VSTM2L: variants seen among roughly 807,000 people sequenced by gnomAD.
The protein encoded by VSTM2L is V-set and transmembrane domain-containing protein 2-like protein.
A neutral mutation model predicts 19.9 loss-of-function variants in VSTM2L; 9 were observed. The ratio of observed to expected loss-of-function variants is 0.45; its 90% CI spans 0.27 to 0.79. VSTM2L has a LOEUF of 0.79. Among genes scored for constraint, VSTM2L ranks in the 30% least tolerant of loss-of-function variants. The pLI, the probability that VSTM2L is intolerant of heterozygous loss-of-function variation, is 0.15. For missense variants in VSTM2L, 286 were observed against 295.5 expected (o/e 0.97, Z 0.24); for synonymous variants, 127 against 133.8 (o/e 0.95, Z 0.35).
At chr20:37,907,428 C>T (rs867517769) in intron 1 of VSTM2L, among the ~76,000 whole-genome samples, 2 of 152,160 alleles carry the variant, frequency 1.3e-5, no homozygotes, top group Admixed American at 6.5e-5. Context: ...TTAATAAGTT[C>T]CCCAGAGGAT....
intron 1 of VSTM2L, among the ~76,000 whole-genome samples, chr20:37,921,149 A>T (rs897380260): frequency 1.3e-5 from 2 of 152,084 alleles, no homozygotes; most frequent in African/African-American, 4.8e-5. Context: ...AGCCTCGGAG[A>T]CCTCTGGGGG....
chr20:37,924,107 T>C (rs2072867032), intron 1 of VSTM2L, among the ~76,000 whole-genome samples: 4 of 152,032 alleles, frequency 2.6e-5, no homozygotes, highest in Admixed American at 2.6e-4. Context: ...TGTAGTGGCA[T>C]GCACCTGTAC....
At chr20:37,919,382 CAA>C (rs531039374) in intron 1 of VSTM2L, among the ~76,000 whole-genome samples, 179 of 152,356 alleles carry the variant, frequency 1.2e-3, no homozygotes, top group African/African-American at 4.2e-3. Flanking sequence ...CAGAAAGAAA[CAA>C]AGAGAACCCT....
intron 3 of VSTM2L, among the ~76,000 whole-genome samples, chr20:37,936,025 T>C (rs2072937826): frequency 6.6e-6 from 1 of 151,250 alleles, no homozygotes; most frequent in South Asian, 2.1e-4. Context: ...GCTGGGAATA[T>C]AGGAACAGGC....
chr20:37,915,949 C>T (rs998446200), intron 1 of VSTM2L, among the ~76,000 whole-genome samples: 3 of 152,220 alleles, frequency 2.0e-5, no homozygotes, highest in African/African-American at 7.2e-5. Flanking sequence ...CCTGCCTCCA[C>T]CCTCAGCGCC....
intron 3 of VSTM2L, among the ~76,000 whole-genome samples, chr20:37,934,559 A>C (rs1277679844): frequency 6.6e-6 from 1 of 152,318 alleles, no homozygotes; most frequent in Non-Finnish European, 1.5e-5. Flanking sequence ...TCGCATGCGC[A>C]TGGCGGGGAA....
rs562897584 is a variant in VSTM2L at position 37,908,942 on chromosome 20, G to A, written c.121+5471G>A. On this transcript the variant is annotated intron_variant, in intron 1 of 3. Coordinates refer to ENST00000373461, the MANE Select transcript of VSTM2L (RefSeq NM_080607.3). ...GAACTCCAAGAGGAAAGACTGTTTC[G>A]GGCCCACTGTTTAGATGAAGAAAAT... Among the ~76,000 whole-genome samples the A allele has an allele frequency of 2.6e-5, 4 of 152,246 alleles. No homozygotes were observed. In the East Asian group the frequency reaches 7.7e-4, roughly 29 times the overall value.
At chr20:37,910,103 G>A (rs1038802099) in intron 1 of VSTM2L, among the ~76,000 whole-genome samples, 1 of 152,218 alleles carries the variant, frequency 6.6e-6, no homozygotes, top group African/African-American at 2.4e-5. Context: ...CCGGAGAGAT[G>A]ATTTTAGGCA....
intron 1 of VSTM2L, 98 bp downstream of exon 1, chr20:37,903,569 T>C: frequency 2.3e-6 from 3 of 1,310,700 alleles, no homozygotes; most frequent in East Asian, 6.5e-5. Context: ...CCGGCGCCAG[T>C]CGTGGCGGGC....
At chr20:37,934,331 T>C (rs574726871) in intron 3 of VSTM2L, among the ~76,000 whole-genome samples, 4 of 152,050 alleles carry the variant, frequency 2.6e-5, no homozygotes, top group Middle Eastern at 3.4e-3. Flanking sequence ...GGAGGTGAAC[T>C]GGGGAGAGAA....
At chr20:37,938,342 C>T (rs1340922029) in intron 3 of VSTM2L, among the ~76,000 whole-genome samples, 1 of 152,136 alleles carries the variant, frequency 6.6e-6, no homozygotes, top group East Asian at 1.9e-4. Context: ...GGGTTCTGAA[C>T]ATGCTGAGGG....
intron 2 of VSTM2L, among the ~76,000 whole-genome samples, chr20:37,932,745 G>T (rs946522143): frequency 6.6e-6 from 1 of 152,100 alleles, no homozygotes; most frequent in African/African-American, 2.4e-5. Flanking sequence ...TTGTCTCAAG[G>T]TCAGCTCTTG....
intron 1 of VSTM2L, among the ~76,000 whole-genome samples, chr20:37,907,096 C>G (rs375215513): frequency 1.3e-5 from 2 of 152,114 alleles, no homozygotes; most frequent in African/African-American, 4.8e-5. Context: ...CTGGAATGTA[C>G]ATTTTATTAT....
At chr20:37,921,320 A>G (rs1378678177) in intron 1 of VSTM2L, among the ~76,000 whole-genome samples, 1 of 152,182 alleles carries the variant, frequency 6.6e-6, no homozygotes, top group Non-Finnish European at 1.5e-5. Flanking sequence ...GCAGAACCAG[A>G]GCCTGCAGAC....
At chr20:37,926,325 G>C (rs566594267) in intron 1 of VSTM2L, among the ~76,000 whole-genome samples, 14 of 152,194 alleles carry the variant, frequency 9.2e-5, no homozygotes, top group Non-Finnish European at 1.9e-4. Flanking sequence ...GCCTCCCAAA[G>C]TGCTGGGATT....
intron 1 of VSTM2L, among the ~76,000 whole-genome samples, chr20:37,920,766 C>A (rs1397099829): frequency 6.6e-6 from 1 of 152,242 alleles, no homozygotes; most frequent in East Asian, 1.9e-4. Flanking sequence ...CAATCTGGCA[C>A]ATAGTAGGCA....
chr20:37,903,701 C>CTGCATGGCCACACCGATA (rs2072735308), intron 1 of VSTM2L, among the ~76,000 whole-genome samples: 1 of 152,228 alleles, frequency 6.6e-6, no homozygotes, highest in Non-Finnish European at 1.5e-5. Flanking sequence ...ATACGCACAC[C>CTGCATGGCCACACCGATA]TGCATGGCCA....
At chr20:37,921,838 C>CTTTTTTTTTTTTTTTTTTTTTTTTTCTT (rs756122087) in intron 1 of VSTM2L, among the ~76,000 whole-genome samples, 1 of 91,784 alleles carries the variant, frequency 1.1e-5, no homozygotes. Flanking sequence ...CTTTCTTTTC[C>CTTTTTTTTTTTTTTTTTTTTTTTTTCTT]TTTTTTTTTT....
chr20:37,933,929 A>G (rs945597607), intron 3 of VSTM2L, among the ~76,000 whole-genome samples: 1 of 152,224 alleles, frequency 6.6e-6, no homozygotes, highest in East Asian at 1.9e-4. Context: ...TTTTTGGCCT[A>G]TCATGACTGA....
Sources: allele counts gnomAD v4.1 joint callset (sites outside exome capture counted in the v4.1 genomes callset), GRCh38; gene constraint gnomAD v4.1.1; transcripts MANE v1.5; gene names NCBI Gene and HGNC (gene_info 2026-07-23, HGNC 2026-07-21).